The following SATB2 variants were observed in gnomAD, a reference collection of about 807,000 sequenced individuals.
The protein encoded by SATB2 is DNA-binding protein SATB2.
A neutral mutation model predicts 73.4 loss-of-function variants in SATB2; 1 was observed. The observed-to-expected ratio is 0.01, with a 90% CI of 0.00 to 0.06. SATB2 has a LOEUF of 0.06. Ranked by LOEUF, SATB2 falls within the 10% of genes least tolerant of loss-of-function variation. SATB2 has a pLI of 1.00. For missense variants in SATB2, 459 were observed against 945.8 expected (o/e 0.49, Z 6.75); for synonymous variants, 397 against 367.0 (o/e 1.08, Z -0.93).
intron 10 of SATB2, among the ~76,000 whole-genome samples, chr2:199,278,642 C>T (rs1486346619): frequency 2.6e-5 from 4 of 152,140 alleles, no homozygotes; most frequent in Non-Finnish European, 5.9e-5. Flanking sequence ...CTGAAAACTG[C>T]TACTATTACC....
chr2:199,288,229 A>G (rs941724892), intron 10 of SATB2, among the ~76,000 whole-genome samples: 7 of 152,178 alleles, frequency 4.6e-5, no homozygotes, highest in Non-Finnish European at 5.9e-5. Flanking sequence ...TACCATTTTT[A>G]CAAAGCAGAT....
intron 8 of SATB2, among the ~76,000 whole-genome samples, chr2:199,324,189 C>A (rs368578864): frequency 6.6e-6 from 1 of 152,044 alleles, no homozygotes; most frequent in East Asian, 1.9e-4. Flanking sequence ...GCATCCCAGA[C>A]GAAGGTTCAC....
intron 6 of SATB2, among the ~76,000 whole-genome samples, chr2:199,350,734 T>C (rs1380505368): frequency 6.6e-6 from 1 of 151,990 alleles, no homozygotes; most frequent in African/African-American, 2.4e-5. Context: ...TTAAAGAAAC[T>C]CAGTTAAGCT....
At chr2:199,461,912 T>C (rs1010389604), upstream of SATB2, among the ~76,000 whole-genome samples, 1 of 152,210 alleles carries the variant, frequency 6.6e-6, no homozygotes, top group Admixed American at 6.5e-5. Context: ...TTGTTGTGCG[T>C]GCTTTCGACC....
At chr2:199,422,755 T>G (rs762577386) in intron 3 of SATB2, among the ~76,000 whole-genome samples, 2 of 152,168 alleles carry the variant, frequency 1.3e-5, no homozygotes, top group South Asian at 4.1e-4. Context: ...CACAGGGTTA[T>G]TATGAGCTTG....
chr2:199,355,483 G>A (rs1558999394), intron 6 of SATB2, among the ~76,000 whole-genome samples: 1 of 151,628 alleles, frequency 6.6e-6, no homozygotes, highest in Non-Finnish European at 1.5e-5. Context: ...CAATGACTTA[G>A]TGCCCCAAAG....
At chr2:199,437,172 T>C (rs993303134) in intron 2 of SATB2, among the ~76,000 whole-genome samples, 3 of 152,228 alleles carry the variant, frequency 2.0e-5, no homozygotes, top group South Asian at 2.1e-4. Flanking sequence ...GATGATCTAG[T>C]AGAGAACTTT....
chr2:199,422,491 C>T (rs899218975), intron 3 of SATB2, among the ~76,000 whole-genome samples: 1 of 152,134 alleles, frequency 6.6e-6, no homozygotes, highest in African/African-American at 2.4e-5. Context: ...AAGCTCCCCA[C>T]TCAATTTTAA....
At chr2:199,443,552 A>AT (rs1159225309) in intron 2 of SATB2, among the ~76,000 whole-genome samples, 11 of 151,986 alleles carry the variant, frequency 7.2e-5, no homozygotes, top group Admixed American at 7.2e-4. Flanking sequence ...AAAAAAAAAA[A>AT]AAAAGGCTTT....
intron 9 of SATB2, 138 bp downstream of exon 9, chr2:199,323,665 G>A (rs1256627850): frequency 8.9e-6 from 9 of 1,008,264 alleles, no homozygotes; most frequent in African/African-American, 1.6e-5. Flanking sequence ...GCAAACTAGA[G>A]TAAAAGGCAG....
intron 10 of SATB2, among the ~76,000 whole-genome samples, chr2:199,307,862 C>T (rs995571152): frequency 6.6e-6 from 1 of 152,158 alleles, no homozygotes; most frequent in African/African-American, 2.4e-5. Context: ...TTATATTCTC[C>T]TCTTCCATTC....
chr2:199,284,662 T>G (rs1327489156), intron 10 of SATB2, among the ~76,000 whole-genome samples: 1 of 152,170 alleles, frequency 6.6e-6, no homozygotes, highest in Admixed American at 6.5e-5. Flanking sequence ...ATTATTTTTC[T>G]GTTTTGAAAA....
intron 3 of SATB2, among the ~76,000 whole-genome samples, chr2:199,406,964 C>T (rs1400852520): frequency 6.6e-6 from 1 of 152,058 alleles, no homozygotes; most frequent in African/African-American, 2.4e-5. Context: ...AAAATAATAT[C>T]TCAATTAATC....
At chr2:199,331,561 C>G (rs1688191484) in intron 7 of SATB2, among the ~76,000 whole-genome samples, 1 of 152,144 alleles carries the variant, frequency 6.6e-6, no homozygotes, top group African/African-American at 2.4e-5. Context: ...AAAGCAGATT[C>G]TTTTCACCTC....
intron 10 of SATB2, among the ~76,000 whole-genome samples, chr2:199,275,038 C>T (rs1432686061): frequency 6.6e-6 from 1 of 152,074 alleles, no homozygotes; most frequent in Non-Finnish European, 1.5e-5. Flanking sequence ...CATGAGTACT[C>T]CCCATTAGAG....
chr2:199,289,993 T>C (rs2105740368), intron 10 of SATB2, among the ~76,000 whole-genome samples: 1 of 152,332 alleles, frequency 6.6e-6, no homozygotes, highest in Middle Eastern at 3.4e-3. Flanking sequence ...AGGCCCTCAG[T>C]GGCCTTCAGG....
intron 8 of SATB2, among the ~76,000 whole-genome samples, chr2:199,326,252 GAA>G (rs1559162742): frequency 6.6e-6 from 1 of 152,072 alleles, no homozygotes; most frequent in Non-Finnish European, 1.5e-5. Flanking sequence ...TTACCCAAGA[GAA>G]AAAGACAATT....
intron 9 of SATB2, among the ~76,000 whole-genome samples, chr2:199,319,892 T>C (rs890346781): frequency 3.3e-5 from 5 of 152,162 alleles, no homozygotes; most frequent in African/African-American, 1.2e-4. Context: ...GGGTAATTGA[T>C]GTCAAGGGAG....
At chr2:199,424,746 A>T (rs1227495859) in intron 3 of SATB2, among the ~76,000 whole-genome samples, 1 of 152,216 alleles carries the variant, frequency 6.6e-6, no homozygotes, top group Non-Finnish European at 1.5e-5. Flanking sequence ...CTTAAAAAGC[A>T]TTTTAATATT....
Sources: gnomAD v4.1 joint callset for allele counts (sites outside exome capture counted in the v4.1 genomes callset) on GRCh38, gnomAD v4.1.1 for gene constraint, MANE v1.5 for transcripts, NCBI Gene and HGNC (gene_info 2026-07-23, HGNC 2026-07-21) for gene names.